The following ROBO1 variants were observed in gnomAD, a reference collection of about 807,000 sequenced individuals.
ROBO1 encodes the protein roundabout guidance receptor 1.
A neutral mutation model predicts 195.9 loss-of-function variants in ROBO1; 149 were observed. That is an observed-to-expected ratio of 0.76 (90% CI 0.67 to 0.87). ROBO1 has a LOEUF of 0.87. ROBO1 is among the 40% of genes least tolerant of loss of function. ROBO1 has a pLI of 0.00. For missense variants in ROBO1, 1,933 were observed against 2,068.3 expected (o/e 0.93, Z 1.27); for synonymous variants, 816 against 733.2 (o/e 1.11, Z -1.82).
intron 2 of ROBO1, among the ~76,000 whole-genome samples, chr3:79,385,759 A>T (rs1371315345): frequency 6.6e-6 from 1 of 152,170 alleles, no homozygotes; most frequent in Admixed American, 6.5e-5. Flanking sequence ...AGGGGAAAGA[A>T]AGTAACAAAC....
chr3:79,232,627 A>C (rs1576849431), intron 2 of ROBO1, among the ~76,000 whole-genome samples: 1 of 152,176 alleles, frequency 6.6e-6, no homozygotes, highest in East Asian at 1.9e-4. Context: ...ACAGAGAGAA[A>C]AATAAATCCC....
At position 79,584,132 on chromosome 3, in the gene ROBO1, T is replaced by A. The variant is rs181505882; in HGVS notation, c.88+5692A>T. ...ATACAGTCTGTATCATTATTTCACA[T>A]CGGTGAAAGAATGGATAGATAGAGT... On this transcript the variant is annotated intron_variant, in intron 2 of 30. Coordinates refer to ENST00000464233, the MANE Select transcript of ROBO1 (RefSeq NM_002941.4). Among the ~76,000 whole-genome samples the A allele has an allele frequency of 3.3e-3, 504 of 151,936 alleles. 1 individual carries two copies. The highest frequency in any genetic ancestry group is 0.01 in the African/African-American group (422 of 41,530).
chr3:79,363,961 T>C (rs1373873050), intron 2 of ROBO1, among the ~76,000 whole-genome samples: 1 of 151,994 alleles, frequency 6.6e-6, no homozygotes, highest in Non-Finnish European at 1.5e-5. Flanking sequence ...TCCCAGCACT[T>C]TGGGAGGCTG....
At chr3:79,502,681 TC>T (rs1940158028) in intron 2 of ROBO1, among the ~76,000 whole-genome samples, 1 of 151,884 alleles carries the variant, frequency 6.6e-6, no homozygotes, top group Non-Finnish European at 1.5e-5. Flanking sequence ...CCAGCTGGGC[TC>T]CTGAGTCTAG....
At chr3:79,070,892 T>C (rs1468923742) in intron 3 of ROBO1, among the ~76,000 whole-genome samples, 10 of 151,848 alleles carry the variant, frequency 6.6e-5, no homozygotes, top group Non-Finnish European at 1.2e-4. Flanking sequence ...GCTAATTCTT[T>C]TTATACTGAC....
At chr3:78,775,923 A>T (rs1310076885) in intron 4 of ROBO1, among the ~76,000 whole-genome samples, 1 of 152,168 alleles carries the variant, frequency 6.6e-6, no homozygotes, top group Non-Finnish European at 1.5e-5. Flanking sequence ...TATTTCACAG[A>T]ATTGAGGAAG....
intron 28 of ROBO1, 139 bp from the exon 29 acceptor site, chr3:78,607,180 G>A (rs922934768): frequency 2.4e-5 from 19 of 782,030 alleles, no homozygotes; most frequent in Non-Finnish European, 3.6e-5. Context: ...GGTAACCAAG[G>A]AAAAATACCC....
chr3:79,755,135 C>A (rs1219272592), intron 1 of ROBO1, among the ~76,000 whole-genome samples: 1 of 152,152 alleles, frequency 6.6e-6, no homozygotes. Flanking sequence ...CTGCCTCTGC[C>A]TCCCAAAGTG....
intron 4 of ROBO1, among the ~76,000 whole-genome samples, chr3:78,917,441 A>G (rs1314858436): frequency 6.6e-6 from 1 of 152,136 alleles, no homozygotes; most frequent in Non-Finnish European, 1.5e-5. Context: ...AACGTTTTTG[A>G]AATAATTATG....
intron 2 of ROBO1, among the ~76,000 whole-genome samples, chr3:79,511,116 T>C (rs6548624): frequency 0.73 from 111,725 of 152,044 alleles, 41,836 homozygotes; most frequent in African/African-American, 0.89. Context: ...AGAGCCTTCA[T>C]ATTATAGAGC....
intron 4 of ROBO1, among the ~76,000 whole-genome samples, chr3:78,748,646 T>C (rs572870918): frequency 1.3e-5 from 2 of 152,224 alleles, no homozygotes; most frequent in South Asian, 4.1e-4. Flanking sequence ...CTTAAACTTT[T>C]TTTCAAAACC....
At chr3:79,203,673 G>A (rs895228392) in intron 2 of ROBO1, among the ~76,000 whole-genome samples, 1 of 152,132 alleles carries the variant, frequency 6.6e-6, no homozygotes, top group African/African-American at 2.4e-5. Context: ...AGTGTATATG[G>A]TGAACAATTT....
intron 4 of ROBO1, among the ~76,000 whole-genome samples, chr3:78,887,784 T>C (rs900897053): frequency 6.6e-6 from 1 of 152,150 alleles, no homozygotes; most frequent in African/African-American, 2.4e-5. Flanking sequence ...GCTTGAGATC[T>C]GAATAAAATC....
chr3:79,398,310 T>C (rs771103251), intron 2 of ROBO1, among the ~76,000 whole-genome samples: 1 of 152,192 alleles, frequency 6.6e-6, no homozygotes, highest in East Asian at 1.9e-4. Context: ...AGAAAGTGAA[T>C]TACACTAAAA....
chr3:79,231,462 G>T (rs1304006842), intron 2 of ROBO1, among the ~76,000 whole-genome samples: 2 of 151,898 alleles, frequency 1.3e-5, no homozygotes, highest in Admixed American at 1.3e-4. Flanking sequence ...ATGAATAAAA[G>T]CTCAACATCA....
At chr3:79,071,786 TCTC>T (rs2079095896) in intron 3 of ROBO1, among the ~76,000 whole-genome samples, 1 of 151,656 alleles carries the variant, frequency 6.6e-6, no homozygotes, top group African/African-American at 2.4e-5. Flanking sequence ...ACCATTGTAT[TCTC>T]AGCAGCAGAG....
At chr3:79,235,584 T>C (rs1285751237) in intron 2 of ROBO1, among the ~76,000 whole-genome samples, 1 of 152,116 alleles carries the variant, frequency 6.6e-6, no homozygotes, top group Non-Finnish European at 1.5e-5. Flanking sequence ...TCAAGAAAAA[T>C]CTCAAGGGTC....
At chr3:79,671,028 G>T (rs1290378750) in intron 1 of ROBO1, among the ~76,000 whole-genome samples, 2 of 151,744 alleles carry the variant, frequency 1.3e-5, no homozygotes, top group Non-Finnish European at 2.9e-5. Flanking sequence ...TAAATACATT[G>T]TGAGAAAGTG....
intron 1 of ROBO1, among the ~76,000 whole-genome samples, chr3:79,748,827 C>T (rs1048873571): frequency 1.2e-4 from 19 of 152,160 alleles, no homozygotes; most frequent in Non-Finnish European, 1.6e-4. Context: ...TGTGAGACTT[C>T]CCCAGCCACA....
Sources: allele counts gnomAD v4.1 joint callset (sites outside exome capture counted in the v4.1 genomes callset), GRCh38; gene constraint gnomAD v4.1.1; transcripts MANE v1.5; gene names NCBI Gene and HGNC (gene_info 2026-07-23, HGNC 2026-07-21).